Variants in MACROD2 observed in about 807,000 individuals in gnomAD.
The protein encoded by MACROD2 is ADP-ribose glycohydrolase MACROD2.
MACROD2 carries 36 observed loss-of-function variants against 70.4 expected under a neutral mutation model. The observed-to-expected ratio is 0.51, with a 90% CI of 0.39 to 0.68. MACROD2 has a LOEUF of 0.68. MACROD2 is among the 30% of genes least tolerant of loss of function. MACROD2 has a pLI of 0.00. For missense variants in MACROD2, 496 were observed against 538.4 expected (o/e 0.92, Z 0.78); for synonymous variants, 172 against 178.8 (o/e 0.96, Z 0.30).
chr20:15,455,327 A>T (rs1182172749), intron 7 of MACROD2, among the ~76,000 whole-genome samples: 2 of 152,176 alleles, frequency 1.3e-5, no homozygotes, highest in Non-Finnish European at 2.9e-5. Flanking sequence ...ATCTGATTTA[A>T]TGGAGATTCC....
Position 15,466,053 on chromosome 20 carries a change from GA to G in MACROD2, c.572-33718del, listed in dbSNP as rs2046883699. 2.0e-5 allele frequency among the ~76,000 whole-genome samples: 3 copies of G among 151,688 alleles called. No homozygotes were observed. In the South Asian group the frequency reaches 6.2e-4, roughly 31 times the overall value. On this transcript the variant is annotated intron_variant, in intron 7 of 17. Coordinates refer to ENST00000684519, the MANE Select transcript of MACROD2 (RefSeq NM_001351661.2). ...AAATTCTGTGTACTGTAAAGGAAAT[GA>G]AACAGAGTTATGTAATAGAGAAGGA...
intron 5 of MACROD2, among the ~76,000 whole-genome samples, chr20:15,124,144 T>C (rs1159109537): frequency 3.9e-5 from 6 of 152,100 alleles, no homozygotes; most frequent in Non-Finnish European, 7.4e-5. Flanking sequence ...TTTTTTTTGA[T>C]GCCACTAAAA....
At chr20:16,027,666 T>C (rs887869137) in intron 15 of MACROD2, among the ~76,000 whole-genome samples, 3 of 152,176 alleles carry the variant, frequency 2.0e-5, no homozygotes, top group Admixed American at 6.5e-5. Context: ...CCTTACATAG[T>C]TAAAACCCTA....
chr20:15,844,153 A>G (rs2064204058), intron 8 of MACROD2, among the ~76,000 whole-genome samples: 1 of 152,042 alleles, frequency 6.6e-6, no homozygotes, highest in African/African-American at 2.4e-5. Context: ...TGTTGCCAAT[A>G]AAGGGACTGA....
At chr20:14,277,478 A>G (rs772848449) in intron 3 of MACROD2, among the ~76,000 whole-genome samples, 1 of 152,136 alleles carries the variant, frequency 6.6e-6, no homozygotes, top group African/African-American at 2.4e-5. Flanking sequence ...AACTCAGAAA[A>G]TGGTTTCCAA....
At chr20:14,253,578 A>C (rs1601402793) in intron 3 of MACROD2, among the ~76,000 whole-genome samples, 3 of 152,218 alleles carry the variant, frequency 2.0e-5, no homozygotes, top group African/African-American at 7.2e-5. Context: ...AATAATGTCC[A>C]TATATGTTTG....
intron 5 of MACROD2, among the ~76,000 whole-genome samples, chr20:14,826,563 G>C (rs2072905171): frequency 6.6e-6 from 1 of 152,044 alleles, no homozygotes; most frequent in Admixed American, 6.6e-5. Context: ...CAGAATTCGT[G>C]TATCTATTGA....
At chr20:14,904,494 G>A (rs908185660) in intron 5 of MACROD2, among the ~76,000 whole-genome samples, 5 of 152,008 alleles carry the variant, frequency 3.3e-5, no homozygotes, top group Non-Finnish European at 7.4e-5. Context: ...ATGCATATAT[G>A]TACATTAGTG....
At chr20:14,031,356 A>G (rs1258007545) in intron 2 of MACROD2, among the ~76,000 whole-genome samples, 1 of 152,162 alleles carries the variant, frequency 6.6e-6, no homozygotes, top group African/African-American at 2.4e-5. Flanking sequence ...GCTTACTTTG[A>G]CGATGAAAAA....
intron 5 of MACROD2, among the ~76,000 whole-genome samples, chr20:15,214,418 C>G (rs1348919034): frequency 2.0e-5 from 3 of 152,140 alleles, no homozygotes; most frequent in African/African-American, 7.2e-5. Flanking sequence ...AAATTCTATA[C>G]ATTGCAAGCC....
rs534376771 is a variant in MACROD2, at chr20:14,332,016, C to G, written c.272-161463C>G. On this transcript the variant is annotated intron_variant, in intron 3 of 17. Transcript: ENST00000684519. ...TTAATGGGGTAACTTGGGAGGAAAACATAAATGAAGCCCTGGTAACTTAAT... is the reference window on the plus strand; with the variant it reads ...TTAATGGGGTAACTTGGGAGGAAAAGATAAATGAAGCCCTGGTAACTTAAT... Among the ~76,000 whole-genome samples, 487 of 152,122 alleles carry G rather than the reference C, an allele frequency of 3.2e-3. 1 individual carries two copies. The highest frequency in any genetic ancestry group is 6.4e-3 in the South Asian group (31 of 4,828).
chr20:14,800,721 T>C (rs574631007), intron 5 of MACROD2, among the ~76,000 whole-genome samples: 6 of 152,130 alleles, frequency 3.9e-5, no homozygotes, highest in Non-Finnish European at 7.3e-5. Flanking sequence ...TCCTTTCTGT[T>C]TGAAGGCCGG....
intron 6 of MACROD2, among the ~76,000 whole-genome samples, chr20:15,375,964 C>T (rs778942488): frequency 4.6e-5 from 7 of 152,052 alleles, no homozygotes; most frequent in African/African-American, 1.4e-4. Context: ...ATGAATGCAT[C>T]GACATATGTT....
At chr20:15,678,557 CGTT>C in intron 8 of MACROD2, among the ~76,000 whole-genome samples, 1 of 152,156 alleles carries the variant, frequency 6.6e-6, no homozygotes, top group South Asian at 2.1e-4. Flanking sequence ...GACGAGGTTT[CGTT>C]ATGTTAGCCA....
chr20:14,703,911 A>C (rs1383606883), intron 5 of MACROD2, among the ~76,000 whole-genome samples: 2 of 151,888 alleles, frequency 1.3e-5, no homozygotes, highest in Non-Finnish European at 2.9e-5. Flanking sequence ...TATTTTTAGT[A>C]GAGACGGGGT....
chr20:15,569,515 G>C (rs1412336748), intron 8 of MACROD2, among the ~76,000 whole-genome samples: 1 of 152,060 alleles, frequency 6.6e-6, no homozygotes, highest in African/African-American at 2.4e-5. Context: ...CTGAAATTTT[G>C]TATTCTTTGA....
chr20:15,774,915 T>C (rs1047740935), intron 8 of MACROD2, among the ~76,000 whole-genome samples: 3 of 152,152 alleles, frequency 2.0e-5, no homozygotes, highest in African/African-American at 7.2e-5. Flanking sequence ...TAAATTGGTT[T>C]GTGCTCCTAG....
At chr20:14,149,789 C>A (rs992752932) in intron 3 of MACROD2, among the ~76,000 whole-genome samples, 1 of 152,004 alleles carries the variant, frequency 6.6e-6, no homozygotes, top group African/African-American at 2.4e-5. Context: ...ATGAAAGTGA[C>A]CAGTTTTAAA....
intron 8 of MACROD2, among the ~76,000 whole-genome samples, chr20:15,841,239 G>GA (rs2064166573): frequency 2.0e-5 from 3 of 152,110 alleles, no homozygotes; most frequent in Admixed American, 2.0e-4. Context: ...CGTGGCCAAG[G>GA]AAATACAAGC....
Sources: allele counts gnomAD v4.1 joint callset (sites outside exome capture counted in the v4.1 genomes callset), GRCh38; gene constraint gnomAD v4.1.1; transcripts MANE v1.5; gene names NCBI Gene and HGNC (gene_info 2026-07-23, HGNC 2026-07-21).